The following EMSY variants were observed in gnomAD, a reference collection of about 807,000 sequenced individuals.
EMSY encodes the protein EMSY transcriptional repressor, BRCA2 interacting, also known as BRCA2-interacting transcriptional repressor EMSY.
A neutral mutation model predicts 134.6 loss-of-function variants in EMSY; 26 were observed. The observed-to-expected ratio is 0.19, with a 90% confidence interval of 0.14 to 0.27. EMSY has a LOEUF of 0.27. EMSY is among the 10% of genes least tolerant of loss of function. The pLI is 1.00. For synonymous variants in EMSY, 579 were observed against 577.8 expected (o/e 1.00, Z -0.03); for missense variants, 1,305 against 1,611.4 (o/e 0.81, Z 3.26).
At chr11:76,529,632 A>G (rs1431601719) in intron 14 of EMSY, among the ~76,000 whole-genome samples, 1 of 152,132 alleles carries the variant, frequency 6.6e-6, no homozygotes, top group African/African-American at 2.4e-5. Context: ...AAACAAAAAA[A>G]ATGCCAAAGA....
At chr11:76,535,351 G>A (rs1250951006) in intron 14 of EMSY, among the ~76,000 whole-genome samples, 3 of 152,086 alleles carry the variant, frequency 2.0e-5, no homozygotes, top group Non-Finnish European at 2.9e-5. Flanking sequence ...GTCTTTTCTT[G>A]CTGGCAGTGA....
intron 9 of EMSY, among the ~76,000 whole-genome samples, chr11:76,498,818 T>A (rs1949746235): frequency 6.6e-6 from 1 of 152,226 alleles, no homozygotes; most frequent in Non-Finnish European, 1.5e-5. Flanking sequence ...ATATAGCCAC[T>A]CCTATTTTCT....
intron 20 of EMSY, 36 bp from the exon 22 acceptor site, chr11:76,549,916 C>T (rs1212467176): frequency 2.2e-4 from 295 of 1,328,496 alleles, no homozygotes; most frequent in South Asian, 1.3e-3. Context: ...GCTACCTTTT[C>T]TTACCATAAA....
chr11:76,527,693 A>G (rs758098759), intron 13 of EMSY, among the ~76,000 whole-genome samples: 2 of 151,768 alleles, frequency 1.3e-5, no homozygotes, highest in East Asian at 3.9e-4. Flanking sequence ...ATCAATATTC[A>G]TCTGGGGTTT....
At chr11:76,549,229 T>C (rs1951759391) in intron 20 of EMSY, among the ~76,000 whole-genome samples, 1 of 152,158 alleles carries the variant, frequency 6.6e-6, no homozygotes, top group Non-Finnish European at 1.5e-5. Flanking sequence ...GAAGGACTAG[T>C]ACAAAAGCAC....
At chr11:76,547,584 G>A (rs1951700018) in intron 20 of EMSY, among the ~76,000 whole-genome samples, 1 of 152,200 alleles carries the variant, frequency 6.6e-6, no homozygotes, top group Admixed American at 6.5e-5. Context: ...ATGGGAATCA[G>A]TAATGCCTAC....
At chr11:76,522,461 G>A (rs1035584052) in intron 11 of EMSY, among the ~76,000 whole-genome samples, 22 of 143,960 alleles carry the variant, frequency 1.5e-4, no homozygotes, top group Admixed American at 1.2e-3. Flanking sequence ...TCCACCTCCC[G>A]GGTTCAAGCA....
At chr11:76,545,902 A>G (rs746180787) in exon 20 of EMSY, 1 of 1,614,218 alleles carries the variant, frequency 6.2e-7, no homozygotes, top group South Asian at 1.1e-5. Context: ...TTCTGTGCCT[A>G]AGCTGACATC....
chr11:76,481,085 C>T (rs1948959240), intron 8 of EMSY, among the ~76,000 whole-genome samples: 1 of 152,066 alleles, frequency 6.6e-6, no homozygotes, highest in Non-Finnish European at 1.5e-5. Flanking sequence ...TCTTTGTTGC[C>T]CAGGCTGGAG....
At chr11:76,502,309 A>G (rs1590912367) in intron 9 of EMSY, among the ~76,000 whole-genome samples, 2 of 149,136 alleles carry the variant, frequency 1.3e-5, no homozygotes, top group East Asian at 3.9e-4. Context: ...AAAAAAAAAA[A>G]AAGCATCCAG....
chr11:76,496,612 A>G (rs1240174735), intron 9 of EMSY, 143 bp downstream of exon 10: 1 of 911,998 alleles, frequency 1.1e-6, no homozygotes, highest in Non-Finnish European at 1.7e-6. Context: ...TTCAGCATAT[A>G]GATTCTGTAT....
At chr11:76,513,874 A>G (rs1448090005) in intron 10 of EMSY, among the ~76,000 whole-genome samples, 1 of 152,146 alleles carries the variant, frequency 6.6e-6, no homozygotes, top group East Asian at 1.9e-4. Context: ...ATATAGAGCT[A>G]GTCTGTAAGT....
chr11:76,546,975 T>C, intron 20 of EMSY: 6 of 423,324 alleles, frequency 1.4e-5, no homozygotes, highest in South Asian at 1.0e-4. Flanking sequence ...TGATAATAGA[T>C]GGTACCTCAC....
At chr11:76,446,957 A>C in exon 2 of EMSY, 1 of 1,613,610 alleles carries the variant, frequency 6.2e-7, no homozygotes. Flanking sequence ...TGTGTGGCCA[A>C]CCCTTCTGGA....
chr11:76,517,321 A>C (rs1489360609), intron 11 of EMSY, among the ~76,000 whole-genome samples: 2 of 152,218 alleles, frequency 1.3e-5, no homozygotes, highest in Non-Finnish European at 2.9e-5. Context: ...TGTTTGCCAG[A>C]CTGAGGAGGG....
intron 2 of EMSY, among the ~76,000 whole-genome samples, chr11:76,451,654 A>C (rs1003050199): frequency 6.6e-6 from 1 of 152,254 alleles, no homozygotes; most frequent in Non-Finnish European, 1.5e-5. Flanking sequence ...TTTTATATAC[A>C]TGACTTCTGT....
rs976309048 is a variant in EMSY at position 76,498,616 on chromosome 11, T to A, written c.1363+2147T>A. On this transcript the variant is annotated intron_variant, in intron 9 of 20. Coordinates refer to ENST00000334736, the Ensembl canonical transcript of EMSY. ...TCTGCAATTAATTCTCTATTTTTTTTAAATATAAAGGCTGATTTTAAAAAA... is the reference window on the plus strand; with the variant it reads ...TCTGCAATTAATTCTCTATTTTTTTAAAATATAAAGGCTGATTTTAAAAAA... Among the ~76,000 whole-genome samples, 9 of 152,250 alleles carry A rather than the reference T, an allele frequency of 5.9e-5. No individual in the cohort carries two copies. The East Asian group carries it at 1.2e-3, about 20-fold the overall frequency.
rs770481751 is a variant in EMSY, at chr11:76,458,171, T to A, written c.246-12T>A. The A allele has an allele frequency of 1.3e-6, 2 of 1,592,434 alleles. No homozygotes were observed. Among genetic ancestry groups the A allele is most frequent in the East Asian group, 4.5e-5 (2 of 44,398 alleles). On this transcript the variant is annotated splice_polypyrimidine_tract_variant and intron_variant, in intron 4 of 20. Coordinates refer to ENST00000334736, the Ensembl canonical transcript of EMSY. ...TGAAAACCCTTGTAGCAGCGCTTTC[T>A]TTTTTGTTTAGTATGTCTGGACCTA... is the stretch of plus-strand genomic sequence containing the variant.
At chr11:76,459,333 G>A (rs989105464) in intron 5 of EMSY, 6 of 152,270 alleles carry the variant, frequency 3.9e-5, no homozygotes, top group African/African-American at 1.4e-4. Context: ...GATTTAGTGT[G>A]TGGTACTCAA....
Sources: allele counts gnomAD v4.1 joint callset (sites outside exome capture counted in the v4.1 genomes callset), GRCh38; gene constraint gnomAD v4.1.1; transcripts MANE v1.5; gene names NCBI Gene and HGNC (gene_info 2026-07-23, HGNC 2026-07-21).